PTPRT: variants seen among roughly 807,000 people sequenced by gnomAD.
PTPRT encodes protein tyrosine phosphatase receptor type T.
Under a neutral mutation model 176.8 loss-of-function variants are expected in PTPRT, and 56 were observed. The ratio of observed to expected loss-of-function variants is 0.32; its 90% CI spans 0.26 to 0.40. PTPRT has a LOEUF of 0.40. PTPRT is among the 10% of genes least tolerant of loss of function. PTPRT has a pLI of 1.00. For synonymous variants in PTPRT, 783 were observed against 739.0 expected (o/e 1.06, Z -0.96); for missense variants, 1,540 against 1,908.2 (o/e 0.81, Z 3.60).
chr20:43,102,671 C>T (rs2012443653), intron 1 of PTPRT, among the ~76,000 whole-genome samples: 1 of 152,166 alleles, frequency 6.6e-6, no homozygotes, highest in Admixed American at 6.5e-5. Flanking sequence ...GGTGGAGAAT[C>T]ATCCCTACTT....
intron 19 of PTPRT, among the ~76,000 whole-genome samples, chr20:42,125,777 T>C (rs4286333): frequency 0.021 from 3,198 of 152,318 alleles, 112 homozygotes; most frequent in African/African-American, 0.072. Context: ...TGTAGTCAGA[T>C]GCTCATTCAA....
At chr20:42,062,083 G>A in the PTPRT span, among the ~76,000 whole-genome samples, 3 of 152,270 alleles carry the variant, frequency 2.0e-5, no homozygotes, top group East Asian at 3.9e-4. Flanking sequence ...ACAGGTATCC[G>A]CAGGTAGGGT....
chr20:43,142,198 G>C (rs2014031692), intron 1 of PTPRT, among the ~76,000 whole-genome samples: 1 of 152,196 alleles, frequency 6.6e-6, no homozygotes, highest in African/African-American at 2.4e-5. Flanking sequence ...TTGAAACAGT[G>C]AATCATGCCC....
At chr20:42,491,189 T>C (rs892514549) in intron 7 of PTPRT, among the ~76,000 whole-genome samples, 3 of 152,212 alleles carry the variant, frequency 2.0e-5, no homozygotes, top group Admixed American at 6.5e-5. Context: ...TTCTATACAT[T>C]CACGCATGAA....
At chr20:42,463,816 T>C (rs6072750) in intron 8 of PTPRT, among the ~76,000 whole-genome samples, 1 of 152,234 alleles carries the variant, frequency 6.6e-6, no homozygotes. Context: ...TCATTCATTA[T>C]ACAGAGGCTT....
chr20:42,445,113 G>A (rs57822503), intron 9 of PTPRT, among the ~76,000 whole-genome samples: 13,621 of 152,164 alleles, frequency 0.09, 1,156 homozygotes, highest in African/African-American at 0.22. Flanking sequence ...TGCTAATGCC[G>A]CTGGTCTATG....
chr20:42,155,959 C>T (rs1170024019), intron 17 of PTPRT, among the ~76,000 whole-genome samples: 1 of 152,202 alleles, frequency 6.6e-6, no homozygotes, highest in African/African-American at 2.4e-5. Context: ...GTGTAACAAA[C>T]ACTCATCTTT....
chr20:43,070,040 G>C (rs908465111), intron 1 of PTPRT, among the ~76,000 whole-genome samples: 1 of 152,160 alleles, frequency 6.6e-6, no homozygotes, highest in African/African-American at 2.4e-5. Context: ...CAGACAGGCA[G>C]CCTATGAGCC....
chr20:42,847,940 C>T (rs1169811699), intron 2 of PTPRT, among the ~76,000 whole-genome samples: 2 of 152,170 alleles, frequency 1.3e-5, no homozygotes, highest in African/African-American at 2.4e-5. Context: ...ATCACCCTAG[C>T]AGTATACACC....
intron 21 of PTPRT, among the ~76,000 whole-genome samples, chr20:42,117,683 T>TA (rs1377088271): frequency 6.6e-6 from 1 of 152,276 alleles, no homozygotes; most frequent in Admixed American, 6.5e-5. Flanking sequence ...ATATCACTAT[T>TA]GGTGGGATGG....
At chr20:42,433,492 G>T (rs2059234226) in intron 9 of PTPRT, among the ~76,000 whole-genome samples, 1 of 152,096 alleles carries the variant, frequency 6.6e-6, no homozygotes. Context: ...TGATGAAAGG[G>T]ATTCTGAGGC....
At chr20:42,918,625 C>T (rs1406353239) in intron 1 of PTPRT, among the ~76,000 whole-genome samples, 4 of 152,136 alleles carry the variant, frequency 2.6e-5, no homozygotes, top group South Asian at 2.1e-4. Context: ...CAATCATTCC[C>T]GTTGATAAAA....
chr20:42,791,203 A>C lies in PTPRT; in HGVS notation c.478T>G (p.Phe160Val). 6.3e-7 allele frequency: 1 copy of C among 1,587,134 alleles called. No individual in the cohort carries two copies. The highest frequency in any genetic ancestry group is 1.1e-5 in the South Asian group (1 of 87,324). Reference protein sequence around the residue: ...ELAISTFWPHFYQVIFESVSL... With the variant: ...ELAISTFWPHVYQVIFESVSL... ...ATGGTAAAATGCCATACCTGATAGA[A>C]ATGTGGCCAGAAAGTGCTGATGGCG... Residue 160 changes from phenylalanine (F) to valine (V), a missense_variant, in exon 3 of 31, where the codon TTC becomes GTC. Phe to Val is a conservative substitution (Grantham distance 50, BLOSUM62 -1). Coordinates refer to ENST00000373187, the MANE Select transcript of PTPRT (RefSeq NM_007050.6).
At chr20:42,084,590 G>A in intron 29 of PTPRT, 92 bp downstream of exon 29, 1 of 1,148,574 alleles carries the variant, frequency 8.7e-7, no homozygotes. Flanking sequence ...AGCCAGGCCT[G>A]CCTAGGACTG....
chr20:43,027,898 G>A (rs1489122250), intron 1 of PTPRT, among the ~76,000 whole-genome samples: 3 of 152,126 alleles, frequency 2.0e-5, no homozygotes, highest in African/African-American at 7.2e-5. Flanking sequence ...AGCCAGTTCT[G>A]CTCCCTTTCT....
At chr20:42,923,205 C>T (rs1979271082) in intron 1 of PTPRT, among the ~76,000 whole-genome samples, 1 of 152,138 alleles carries the variant, frequency 6.6e-6, no homozygotes, top group Non-Finnish European at 1.5e-5. Context: ...AAGGTCACTT[C>T]CAAGGACTTC....
chr20:42,679,649 G>A (rs762955723), intron 6 of PTPRT, among the ~76,000 whole-genome samples: 17 of 151,896 alleles, frequency 1.1e-4, no homozygotes, highest in African/African-American at 2.4e-4. Context: ...CACATTTTTT[G>A]TGTTGTTATA....
intron 6 of PTPRT, among the ~76,000 whole-genome samples, chr20:42,699,397 G>A (rs541796563): frequency 6.6e-6 from 1 of 152,230 alleles, no homozygotes; most frequent in African/African-American, 2.4e-5. Flanking sequence ...CCAAAGTGCA[G>A]TACATGAGAT....
intron 1 of PTPRT, among the ~76,000 whole-genome samples, chr20:42,911,732 C>T (rs983963591): frequency 1.3e-5 from 2 of 152,058 alleles, no homozygotes; most frequent in African/African-American, 2.4e-5. Flanking sequence ...CGCATTTTTC[C>T]AGGAGTTGCC....
Sources: allele counts gnomAD v4.1 joint callset (sites outside exome capture counted in the v4.1 genomes callset), GRCh38; gene constraint gnomAD v4.1.1; transcripts MANE v1.5; gene names NCBI Gene and HGNC (gene_info 2026-07-23, HGNC 2026-07-21).